EPB41L1: variants seen among roughly 807,000 people sequenced by gnomAD.
EPB41L1 encodes erythrocyte membrane protein band 4.1 like 1.
EPB41L1 carries 29 observed loss-of-function variants against 97.8 expected under a neutral mutation model. The ratio of observed to expected loss-of-function variants is 0.30; its 90% confidence interval spans 0.22 to 0.40. The LOEUF is 0.40. EPB41L1 is among the 10% of genes least tolerant of loss of function. The pLI, the probability that EPB41L1 is intolerant of heterozygous loss-of-function variation, is 1.00. For synonymous variants in EPB41L1, 383 were observed against 459.2 expected, an observed-to-expected ratio of 0.83 and a Z score of 2.12; for missense variants, 812 against 1,162.3, an observed-to-expected ratio of 0.70 and a Z score of 4.38.
At chr20:36,114,257 A>G (rs532124055) in intron 2 of EPB41L1, among the ~76,000 whole-genome samples, 1 of 152,328 alleles carries the variant, frequency 6.6e-6, no homozygotes, top group African/African-American at 2.4e-5. Context: ...AAGCATTTGT[A>G]GCAGAACTTG....
chr20:36,167,911 A>G (rs1367619548), intron 1 of EPB41L1, among the ~76,000 whole-genome samples: 1 of 152,010 alleles, frequency 6.6e-6, no homozygotes, highest in African/African-American at 2.4e-5. Flanking sequence ...GGCAGTTGCA[A>G]TGGTGATGGA....
chr20:36,196,146 G>C (rs532055025), intron 13 of EPB41L1, among the ~76,000 whole-genome samples: 1 of 152,282 alleles, frequency 6.6e-6, no homozygotes, highest in Non-Finnish European at 1.5e-5. Flanking sequence ...CCAGAGACTG[G>C]GACATAAGAA....
intron 1 of EPB41L1, chr20:36,155,380 C>T (rs369812462): frequency 2.8e-5 from 10 of 362,844 alleles, no homozygotes; most frequent in East Asian, 2.2e-4. Context: ...CTTCCAAGTA[C>T]CTCAGAGCTG....
intron 1 of EPB41L1, among the ~76,000 whole-genome samples, chr20:36,108,264 A>G (rs1191220498): frequency 6.6e-6 from 1 of 152,042 alleles, no homozygotes; most frequent in Non-Finnish European, 1.5e-5. Flanking sequence ...ACAGGCATGA[A>G]CCACCGTGCT....
chr20:36,129,221 T>C (rs1600459208), intron 2 of EPB41L1, among the ~76,000 whole-genome samples: 5 of 152,206 alleles, frequency 3.3e-5, no homozygotes, highest in Middle Eastern at 3.4e-3. Context: ...AATTGGTGAA[T>C]GGTATGGACC....
chr20:36,201,110 A>C (rs908431909), intron 14 of EPB41L1: 1 of 383,280 alleles, frequency 2.6e-6, no homozygotes, highest in African/African-American at 2.1e-5. Flanking sequence ...GCAATGGGTA[A>C]CCCATGCTGT....
chr20:36,229,582 A>G lies in EPB41L1; in HGVS notation c.*242A>G. 2.4e-6 allele frequency: 1 copy of G among 412,378 alleles called. No homozygotes were observed. The highest frequency in any genetic ancestry group is 4.4e-6 in the Non-Finnish European group (1 of 229,058). 25.5% of individuals were successfully genotyped at this position (412,378 alleles called of 1,614,324 possible). ...CTGGCAGAGCAGTTGGCTGACAGCA[A>G]CAACCGACATCTGAACACCTACATT... On this transcript the variant is annotated 3_prime_UTR_variant, in exon 22 of 22. Transcript: ENST00000338074.
At chr20:36,163,226 G>T (rs1224712301) in intron 1 of EPB41L1, among the ~76,000 whole-genome samples, 1 of 151,718 alleles carries the variant, frequency 6.6e-6, no homozygotes, top group East Asian at 1.9e-4. Flanking sequence ...GGAGAAAAAG[G>T]CCCCTATTTC....
At chr20:36,135,278 A>C (rs1227349925) in intron 2 of EPB41L1, among the ~76,000 whole-genome samples, 1 of 152,212 alleles carries the variant, frequency 6.6e-6, no homozygotes, top group Non-Finnish European at 1.5e-5. Context: ...ACAGTTGAAG[A>C]AACTGAGACT....
intron 2 of EPB41L1, among the ~76,000 whole-genome samples, chr20:36,142,354 C>G (rs1367583331): frequency 1.3e-5 from 2 of 152,194 alleles, no homozygotes; most frequent in African/African-American, 4.8e-5. Flanking sequence ...CAATGCTCTA[C>G]TTTACTCCTG....
chr20:36,177,744 G>A (rs939313032), intron 3 of EPB41L1, among the ~76,000 whole-genome samples: 2 of 152,202 alleles, frequency 1.3e-5, no homozygotes, highest in African/African-American at 2.4e-5. Context: ...TTGGAAGAAG[G>A]CCATCAAGGA....
At chr20:36,147,461 G>A (rs1472998913) in intron 2 of EPB41L1, among the ~76,000 whole-genome samples, 8 of 152,160 alleles carry the variant, frequency 5.3e-5, no homozygotes, top group Non-Finnish European at 1.2e-4. Context: ...CACAGGCCTT[G>A]GAGTCAGGCA....
At chr20:36,163,726 C>A (rs929191405) in intron 1 of EPB41L1, among the ~76,000 whole-genome samples, 1 of 152,142 alleles carries the variant, frequency 6.6e-6, no homozygotes, top group Admixed American at 6.5e-5. Context: ...ACCTGAGTTC[C>A]GTGACTGGTA....
At chr20:36,106,604 GGTTCA>G (rs1313615178) in intron 1 of EPB41L1, among the ~76,000 whole-genome samples, 1 of 152,194 alleles carries the variant, frequency 6.6e-6, no homozygotes, top group Non-Finnish European at 1.5e-5. Context: ...ATTAATTTTA[GGTTCA>G]GTAGGGTTTT....
At chr20:36,178,563 C>T (rs574949100) in intron 4 of EPB41L1, 67 bp from the exon 5 acceptor site, 2 of 1,501,328 alleles carry the variant, frequency 1.3e-6, no homozygotes, top group East Asian at 4.5e-5. Flanking sequence ...CAGGATATTT[C>T]TCTCTCTCAG....
intron 6 of EPB41L1, 140 bp downstream of exon 6, chr20:36,182,487 C>T (rs1205012314): frequency 8.1e-6 from 7 of 865,714 alleles, no homozygotes; most frequent in Non-Finnish European, 1.3e-5. Flanking sequence ...CAGCATCGTA[C>T]ACAGGAAGCC....
chr20:36,228,021 G>C (rs2064279200), intron 21 of EPB41L1, among the ~76,000 whole-genome samples: 1 of 152,142 alleles, frequency 6.6e-6, no homozygotes. Flanking sequence ...TTTAGTCTTG[G>C]TTTTGCCAAC....
intron 15 of EPB41L1, among the ~76,000 whole-genome samples, chr20:36,210,900 A>T (rs2063094764): frequency 6.6e-6 from 1 of 152,150 alleles, no homozygotes; most frequent in Non-Finnish European, 1.5e-5. Context: ...GGTTGCAACC[A>T]TCTATAAGAA....
intron 2 of EPB41L1, among the ~76,000 whole-genome samples, chr20:36,124,471 A>C (rs1357542785): frequency 6.6e-6 from 1 of 152,142 alleles, no homozygotes; most frequent in Non-Finnish European, 1.5e-5. Context: ...TCCGTCAGCC[A>C]CAGGAGTCTT....
Sources: allele counts gnomAD v4.1 joint callset (sites outside exome capture counted in the v4.1 genomes callset), GRCh38; gene constraint gnomAD v4.1.1; transcripts MANE v1.5; gene names NCBI Gene and HGNC (gene_info 2026-07-23, HGNC 2026-07-21).